Variants in RAD9B observed in about 807,000 individuals in gnomAD.
RAD9B encodes the protein RAD9 checkpoint clamp component B, also known as cell cycle checkpoint control protein RAD9B.
Under a neutral mutation model 48.3 loss-of-function variants are expected in RAD9B, and 41 were observed. That is an observed-to-expected ratio of 0.85 (90% CI 0.66 to 1.10). The LOEUF (loss-of-function observed/expected upper bound fraction) is 1.10, where lower values mean the gene tolerates loss of function less well. Ranked by LOEUF, RAD9B falls within the 50% of genes least tolerant of loss-of-function variation. The pLI, the probability that RAD9B is intolerant of heterozygous loss-of-function variation, is 0.00. For synonymous variants in RAD9B, 160 were observed against 157.9 expected, an observed-to-expected ratio of 1.01 and a Z score of -0.10; for missense variants, 444 against 485.1, an observed-to-expected ratio of 0.92 and a Z score of 0.80.
At chr12:110,504,978 C>T (rs2063219011) in intron 2 of RAD9B, among the ~76,000 whole-genome samples, 1 of 151,922 alleles carries the variant, frequency 6.6e-6, no homozygotes, top group South Asian at 2.1e-4. Flanking sequence ...TGCACTCCAG[C>T]CTGGCCAACA....
chr12:110,529,466 G>T (rs893281319), intron 10 of RAD9B, among the ~76,000 whole-genome samples: 3 of 152,092 alleles, frequency 2.0e-5, no homozygotes, highest in African/African-American at 4.8e-5. Context: ...TTAAAGATAA[G>T]AAGACTGAGC....
intron 6 of RAD9B, among the ~76,000 whole-genome samples, chr12:110,516,887 T>C (rs2135699039): frequency 1.3e-5 from 2 of 152,138 alleles, no homozygotes; most frequent in African/African-American, 4.8e-5. Flanking sequence ...TTGATATTCA[T>C]TGAAGAAAAT....
intron 2 of RAD9B, among the ~76,000 whole-genome samples, chr12:110,505,395 C>T (rs80322606): frequency 6.6e-6 from 1 of 151,974 alleles, no homozygotes; most frequent in African/African-American, 2.4e-5. Context: ...AACATAATGA[C>T]GTTTTCTGAA....
chr12:110,502,365 A>G lies in RAD9B; in HGVS notation c.28A>G (p.Ser10Gly), dbSNP rs372056091. ...GGCAGCCATGCTGAAGTGCGTGATG[A>G]GCGGCAGTCAGGTGAAAGGTGGAGC... The part of the protein sequence containing the change: MAAMLKCVM[S>G]GSQVKVFGKA... Residue 10 changes from serine (S) to glycine (G), a missense_variant, in exon 1 of 11, where the codon AGC becomes GGC. Ser to Gly is a moderately conservative substitution (Grantham distance 56). Transcript: ENST00000409300. 12 of 1,613,630 alleles carry G rather than the reference A, an allele frequency of 7.4e-6. No individual in the cohort carries two copies. Among genetic ancestry groups the G allele is most frequent in the African/African-American group, 1.3e-5 (1 of 74,908 alleles).
rs139056003 is a variant in RAD9B, at chr12:110,519,683, G to C, written c.768-111G>C. Reference sequence around the variant, plus strand: ...ACTCGCAACCTCAGATGATCCACCCGCCTTGGCCTCCCCTGTTTCTTTTTA... The same window carrying C: ...ACTCGCAACCTCAGATGATCCACCCCCCTTGGCCTCCCCTGTTTCTTTTTA... On this transcript the variant is annotated intron_variant, in intron 8 of 10. Coordinates refer to ENST00000409300, the MANE Select transcript of RAD9B (RefSeq NM_001286535.2). 3 of 1,210,074 alleles carry C rather than the reference G, an allele frequency of 2.5e-6. No homozygotes were observed. The East Asian group carries it at 7.9e-5, about 32-fold the overall frequency. The allele number at this position is 1,210,074 out of a possible 1,614,324, so 75.0% of individuals were successfully genotyped here.
intron 1 of RAD9B, chr12:110,502,605 C>T (rs1293391127): frequency 3.5e-6 from 2 of 567,438 alleles, no homozygotes; most frequent in Non-Finnish European, 6.3e-6. Flanking sequence ...GGGTGGTATC[C>T]GGGAAATAGA....
chr12:110,517,535 A>G (rs2063638818), intron 6 of RAD9B, among the ~76,000 whole-genome samples: 2 of 152,022 alleles, frequency 1.3e-5, no homozygotes, highest in African/African-American at 4.8e-5. Context: ...GAGGCAGGAG[A>G]ATCGCTAGAA....
chr12:110,503,862 C>G lies in RAD9B; in HGVS notation c.103C>G (p.Pro35Ala). 6.4e-7 allele frequency: 1 copy of G among 1,571,302 alleles called. No homozygotes were observed. The highest frequency in any genetic ancestry group is 8.6e-7 in the Non-Finnish European group (1 of 1,163,364). Residue 35 changes from proline to alanine, a missense_variant, in exon 2 of 11, where the codon CCA (proline) becomes GCA (alanine). By Grantham distance (27) the Pro-to-Ala change is conservative. Transcript: ENST00000409300. ...AATTAGTGACGAGTTCTGGCTAGAC[C>G]CATCTAAAAAAGGTGTAAGTAAGAA... ...SRISDEFWLD[P>A]SKKGLALRCV... is the part of the protein sequence containing the mutation.
intron 6 of RAD9B, among the ~76,000 whole-genome samples, chr12:110,517,267 G>T (rs923727106): frequency 1.3e-5 from 2 of 152,138 alleles, no homozygotes; most frequent in African/African-American, 4.8e-5. Flanking sequence ...TTTCAAGGTT[G>T]CAGGTGAGCT....
At chr12:110,521,947 T>C (rs2063799159) in intron 9 of RAD9B, among the ~76,000 whole-genome samples, 1 of 152,162 alleles carries the variant, frequency 6.6e-6, no homozygotes, top group African/African-American at 2.4e-5. Flanking sequence ...CCTGTTACCA[T>C]ATCACAAGAT....
intron 10 of RAD9B, among the ~76,000 whole-genome samples, chr12:110,523,900 AGCTGAAATT>A (rs2063857204): frequency 6.6e-6 from 1 of 152,194 alleles, no homozygotes; most frequent in Non-Finnish European, 1.5e-5. Flanking sequence ...ACTCCTGCAA[AGCTGAAATT>A]ACATTATGGG....
intron 10 of RAD9B, among the ~76,000 whole-genome samples, chr12:110,523,217 C>G (rs763605906): frequency 2.0e-4 from 31 of 152,136 alleles, no homozygotes; most frequent in Non-Finnish European, 3.8e-4. Flanking sequence ...GGGAAGATCT[C>G]TTGAGCTACG....
rs540789852 is a variant in RAD9B, at chr12:110,507,526, T to C, written c.388+833T>C. ...TATTAAATATAATACATAATATATG[T>C]ATTAAATATAATACATAATATATGT... On this transcript the variant is annotated intron_variant, in intron 4 of 10. Transcript: ENST00000409300. 9.8e-4 allele frequency among the ~76,000 whole-genome samples: 37 copies of C among 37,932 alleles called. 1 individual carries two copies. Among genetic ancestry groups the C allele is most frequent in the African/African-American group, 1.9e-3 (30 of 15,444 alleles). 24.9% of individuals were successfully genotyped at this position (37,932 alleles called of 152,430 possible). A position where few individuals can be genotyped will look rare whatever the true frequency, so the allele number is the denominator to read the frequency against.
At chr12:110,516,387 G>T (rs894970661) in intron 6 of RAD9B, among the ~76,000 whole-genome samples, 2 of 152,166 alleles carry the variant, frequency 1.3e-5, no homozygotes, top group Non-Finnish European at 2.9e-5. Flanking sequence ...TTCTAATGAA[G>T]TTATAGTTGA....
At chr12:110,510,616 A>G (rs545124640) in intron 4 of RAD9B, among the ~76,000 whole-genome samples, 2 of 152,294 alleles carry the variant, frequency 1.3e-5, no homozygotes, top group East Asian at 3.9e-4. Flanking sequence ...CCCAGACATG[A>G]AAGTGAGGCC....
Position 110,506,591 on chromosome 12 carries a change from A to T in RAD9B, c.286A>T (p.Ile96Phe). The T allele has an allele frequency of 6.4e-7, 1 of 1,568,028 alleles. No homozygotes were observed. The highest frequency in any genetic ancestry group is 8.8e-7 in the Non-Finnish European group (1 of 1,139,018). ...ATTTCTGTTACAGTCAATTTTGCCC[A>T]TCTTTAGATGTCTGAATTCCCTTGA... ...CKLGMKSILP[I>F]FRCLNSLERN... The change falls in exon 4 of 11, where the codon ATC (isoleucine) becomes TTC (phenylalanine). Residue 96 changes from isoleucine to phenylalanine, a missense_variant. Coordinates refer to ENST00000409300, the MANE Select transcript of RAD9B (RefSeq NM_001286535.2).
At chr12:110,515,224 C>T (rs989780580) in intron 6 of RAD9B, 68 bp downstream of exon 6, 33 of 773,576 alleles carry the variant, frequency 4.3e-5, no homozygotes, top group Non-Finnish European at 6.7e-5. Context: ...ACTAACCATA[C>T]TGCAAATATT....
chr12:110,527,164 A>ACCGCTTCTAGAGG (rs1455202902), intron 10 of RAD9B, among the ~76,000 whole-genome samples: 2 of 151,932 alleles, frequency 1.3e-5, no homozygotes, highest in African/African-American at 4.8e-5. Context: ...GCTTCTAGAG[A>ACCGCTTCTAGAGG]CCACTTCCAT....
chr12:110,518,873 G>A lies in RAD9B; in HGVS notation c.703-1G>A, dbSNP rs1442343933. ...GTTTTTTTCTTCTTTTCTTTTTTCA[G>A]GGAATACTGACATTTTCAGAAGCTA... is the stretch of plus-strand genomic sequence containing the variant. On this transcript the variant is annotated splice_acceptor_variant, in intron 7 of 10. Coordinates refer to ENST00000409300, the MANE Select transcript of RAD9B (RefSeq NM_001286535.2). LOFTEE classifies it high-confidence loss of function. 1 of 1,577,034 alleles carries A rather than the reference G, an allele frequency of 6.3e-7. No homozygotes were observed. The highest frequency in any genetic ancestry group is 1.2e-5 in the South Asian group (1 of 85,770).
Sources: gnomAD v4.1 joint callset for allele counts (sites outside exome capture counted in the v4.1 genomes callset) on GRCh38, gnomAD v4.1.1 for gene constraint, MANE v1.5 for transcripts, NCBI Gene and HGNC (gene_info 2026-07-23, HGNC 2026-07-21) for gene names.